TTC28: variants seen among roughly 807,000 people sequenced by gnomAD.
TTC28 encodes tetratricopeptide repeat domain 28.
Under a neutral mutation model 198.0 loss-of-function variants are expected in TTC28, and 61 were observed. That is an observed-to-expected ratio of 0.31 (90% confidence interval 0.25 to 0.38). The LOEUF is 0.38. TTC28 is among the 10% of genes least tolerant of loss of function. The pLI is 1.00. For missense variants in TTC28, 2,678 were observed against 3,164.0 expected, an observed-to-expected ratio of 0.85 and a Z score of 3.69; for synonymous variants, 1,171 against 1,297.8, an observed-to-expected ratio of 0.90 and a Z score of 2.10.
At chr22:28,175,236 A>C (rs994683086) in intron 5 of TTC28, among the ~76,000 whole-genome samples, 2 of 152,218 alleles carry the variant, frequency 1.3e-5, no homozygotes, top group African/African-American at 4.8e-5. Context: ...TCAAAAGCAC[A>C]GGCAACAAAA....
rs1281534558 is a variant in TTC28 at position 28,586,065 on chromosome 22, G to A, written c.381+43487C>T. Among the ~76,000 whole-genome samples the A allele has an allele frequency of 2.6e-5, 4 of 151,910 alleles. 1 individual carries two copies. The highest frequency in any genetic ancestry group is 9.7e-5 in the African/African-American group (4 of 41,358). Reference sequence around the variant, plus strand: ...GGAGGCTGAGGCGGTCAAATCACGAGGTCAGGAGATTGAGACCATCCTGGC... The same window carrying A: ...GGAGGCTGAGGCGGTCAAATCACGAAGTCAGGAGATTGAGACCATCCTGGC... On this transcript the variant is annotated intron_variant, in intron 2 of 22. Coordinates refer to ENST00000397906, the MANE Select transcript of TTC28 (RefSeq NM_001145418.2).
At chr22:28,001,197 C>T in intron 15 of TTC28, 177 bp downstream of exon 15, 2 of 744,588 alleles carry the variant, frequency 2.7e-6, no homozygotes, top group Non-Finnish European at 4.2e-6. Flanking sequence ...GAGGGCCGTG[C>T]CCCACTTTTG....
intron 1 of TTC28, among the ~76,000 whole-genome samples, chr22:28,678,812 T>G (rs185641388): frequency 1.2e-4 from 18 of 147,732 alleles, no homozygotes; most frequent in South Asian, 4.3e-4. Context: ...AACCGGCTCC[T>G]GCTTGCAGGA....
intron 1 of TTC28, among the ~76,000 whole-genome samples, chr22:28,642,662 A>C (rs1461467053): frequency 6.6e-6 from 1 of 151,934 alleles, no homozygotes; most frequent in African/African-American, 2.4e-5. Flanking sequence ...TCTCTAGAGA[A>C]AACAAAATTA....
chr22:28,532,473 G>C (rs2049161578), intron 2 of TTC28, among the ~76,000 whole-genome samples: 2 of 152,170 alleles, frequency 1.3e-5, no homozygotes, highest in Non-Finnish European at 2.9e-5. Context: ...AATTCTACCA[G>C]TGGTACAAAG....
At chr22:28,221,540 C>T (rs1927867822) in intron 5 of TTC28, among the ~76,000 whole-genome samples, 1 of 152,112 alleles carries the variant, frequency 6.6e-6, no homozygotes, top group South Asian at 2.1e-4. Flanking sequence ...ATTCTAAATC[C>T]ACAGTATGGT....
intron 2 of TTC28, among the ~76,000 whole-genome samples, chr22:28,383,406 G>A (rs2046526730): frequency 6.6e-6 from 1 of 152,018 alleles, no homozygotes; most frequent in South Asian, 2.1e-4. Flanking sequence ...GTGATTTCAG[G>A]GTAACTGGCT....
intron 14 of TTC28, among the ~76,000 whole-genome samples, chr22:28,012,802 G>A (rs1297315503): frequency 6.6e-6 from 1 of 152,180 alleles, no homozygotes; most frequent in Non-Finnish European, 1.5e-5. Flanking sequence ...AAGAGCCACT[G>A]TGCTTGGCCA....
chr22:28,252,132 A>G (rs1414900794), intron 5 of TTC28, among the ~76,000 whole-genome samples: 1 of 152,172 alleles, frequency 6.6e-6, no homozygotes, highest in Admixed American at 6.6e-5. Flanking sequence ...AATAATTTCT[A>G]TCTTATGCTC....
At chr22:28,389,469 T>C (rs1342918534) in intron 2 of TTC28, among the ~76,000 whole-genome samples, 2 of 150,180 alleles carry the variant, frequency 1.3e-5, no homozygotes, top group Non-Finnish European at 3.0e-5. Context: ...ATCCATCTGG[T>C]CCTGGACTCT....
rs1942193686 is a variant in TTC28, at chr22:28,102,872, A to T, written c.3308-1592T>A. On this transcript the variant is annotated intron_variant, in intron 8 of 22. Transcript: ENST00000397906. ...ATTCACATTTTTAAACATCTCACAG[A>T]ATAGAAAAACATATGAAAGAAGATG... Among the ~76,000 whole-genome samples the T allele has an allele frequency of 2.6e-5, 4 of 152,268 alleles. No individual in the cohort carries two copies. In the South Asian group the frequency reaches 8.3e-4, roughly 31 times the overall value.
chr22:28,361,692 C>A (rs2046161607), intron 2 of TTC28, among the ~76,000 whole-genome samples: 1 of 152,186 alleles, frequency 6.6e-6, no homozygotes, highest in Admixed American at 6.5e-5. Context: ...CAACAGCCTT[C>A]TATTGGAAGA....
chr22:28,136,703 C>T (rs1316625415), intron 6 of TTC28, among the ~76,000 whole-genome samples: 1 of 152,176 alleles, frequency 6.6e-6, no homozygotes, highest in Non-Finnish European at 1.5e-5. Context: ...ACAAAGAGTG[C>T]TCCAGTCTCA....
chr22:28,045,711 C>A (rs556145648), intron 12 of TTC28, among the ~76,000 whole-genome samples: 2 of 152,278 alleles, frequency 1.3e-5, no homozygotes, highest in South Asian at 4.2e-4. Context: ...TGCCTGTAAT[C>A]CCAGCACTTT....
At chr22:28,499,919 T>C (rs2048512752) in intron 2 of TTC28, among the ~76,000 whole-genome samples, 1 of 152,178 alleles carries the variant, frequency 6.6e-6, no homozygotes, top group South Asian at 2.1e-4. Context: ...CTCAAACATT[T>C]ATCATTTCTT....
intron 5 of TTC28, among the ~76,000 whole-genome samples, chr22:28,291,009 G>C (rs879506184): frequency 2.0e-5 from 3 of 151,004 alleles, no homozygotes; most frequent in Non-Finnish European, 4.4e-5. Context: ...AGATCAGTGA[G>C]GGGACATGTA....
chr22:28,162,036 G>A (rs1236197437), intron 6 of TTC28, among the ~76,000 whole-genome samples: 15 of 152,224 alleles, frequency 9.9e-5, no homozygotes, highest in Non-Finnish European at 1.8e-4. Flanking sequence ...TATAGGCAAA[G>A]AACAAACCAT....
chr22:28,335,981 T>C (rs1402198316), intron 2 of TTC28, among the ~76,000 whole-genome samples: 1 of 152,220 alleles, frequency 6.6e-6, no homozygotes, highest in Non-Finnish European at 1.5e-5. Flanking sequence ...GGGTTTGTCA[T>C]AGATAGCTCT....
intron 2 of TTC28, among the ~76,000 whole-genome samples, chr22:28,439,905 G>A (rs189213340): frequency 1.4e-4 from 21 of 151,922 alleles, no homozygotes; most frequent in Admixed American, 1.1e-3. Flanking sequence ...GCGTGATCTC[G>A]GCTCACCGCA....
Sources: gnomAD v4.1 joint callset for allele counts (sites outside exome capture counted in the v4.1 genomes callset) on GRCh38, gnomAD v4.1.1 for gene constraint, MANE v1.5 for transcripts, NCBI Gene and HGNC (gene_info 2026-07-23, HGNC 2026-07-21) for gene names.